The following CXCL12 variants were observed in gnomAD, a reference collection of about 807,000 sequenced individuals.
The protein encoded by CXCL12 is C-X-C motif chemokine ligand 12.
A neutral mutation model predicts 10.7 loss-of-function variants in CXCL12; 4 were observed. That is an observed-to-expected ratio of 0.37 (90% CI 0.18 to 0.86). The LOEUF (loss-of-function observed/expected upper bound fraction) is 0.86, where lower values mean the gene tolerates loss of function less well. Ranked by LOEUF, CXCL12 falls within the 40% of genes least tolerant of loss-of-function variation. CXCL12 has a pLI of 0.43. For missense variants in CXCL12, 122 were observed against 110.4 expected (o/e 1.10, Z -0.47); for synonymous variants, 54 against 45.4 (o/e 1.19, Z -0.77).
intron 1 of CXCL12, among the ~76,000 whole-genome samples, 196 bp downstream of exon 1, chr10:44,384,749 A>G (rs1269979075): frequency 6.6e-6 from 1 of 152,240 alleles, no homozygotes; most frequent in African/African-American, 2.4e-5. Flanking sequence ...CGCTCTCTGC[A>G]GGTCACAAAC....
chr10:44,384,662 C>T (rs978454138), intron 1 of CXCL12, among the ~76,000 whole-genome samples: 1 of 152,342 alleles, frequency 6.6e-6, no homozygotes, highest in Admixed American at 6.5e-5. Context: ...CGCGCCAGTC[C>T]CGAACGCTCT....
At chr10:44,372,681 G>C (rs1476436432), downstream of CXCL12, 6 of 1,414,418 alleles carry the variant, frequency 4.2e-6, no homozygotes, top group African/African-American at 5.8e-5. Context: ...GGATGAGACA[G>C]AGAATGATGA....
At chr10:44,374,656 C>T (rs1382284750), downstream of CXCL12, 74 of 455,952 alleles carry the variant, frequency 1.6e-4, no homozygotes, top group Admixed American at 1.7e-3. Flanking sequence ...CTCATTAAAG[C>T]TCAAGGGGAC....
chr10:44,385,012 G>A lies in CXCL12; in HGVS notation c.-7C>T, dbSNP rs754977557. On this transcript the variant is annotated 5_prime_UTR_variant, in exon 1 of 3. Coordinates refer to ENST00000343575, the MANE Select transcript of CXCL12 (RefSeq NM_199168.4). ...CCACGACCTTGGCGTTCATGGCGCG[G>A]GCGGGCGGGCGGGCGGGCGGACGAG... is the stretch of plus-strand genomic sequence containing the variant. The A allele has an allele frequency of 7.4e-7, 1 of 1,354,292 alleles. No individual in the cohort carries two copies. Among genetic ancestry groups the A allele is most frequent in the Non-Finnish European group, 9.6e-7 (1 of 1,041,922 alleles). 83.9% of individuals were successfully genotyped at this position (1,354,292 alleles called of 1,614,324 possible). A position where few individuals can be genotyped will look rare whatever the true frequency, so the allele number is the denominator to read the frequency against.
At position 44,377,601 on chromosome 10, in the gene CXCL12, C is replaced by A. The variant is rs562409894; in HGVS notation, c.*1032G>T. 23 of 1,493,922 alleles carry A rather than the reference C, an allele frequency of 1.5e-5. No homozygotes were observed. The African/African-American group carries it at 3.1e-4, about 20-fold the overall frequency. 92.5% of individuals were successfully genotyped at this position (1,493,922 alleles called of 1,614,324 possible). A position where few individuals can be genotyped will look rare whatever the true frequency, so the allele number is the denominator to read the frequency against. ...TCACTGATTTTTTCGCTTCTGATTTCGGAAACCTCAGAGTTTGTTAGTGCC... is the reference window on the plus strand; with the variant it reads ...TCACTGATTTTTTCGCTTCTGATTTAGGAAACCTCAGAGTTTGTTAGTGCC... On this transcript the variant is annotated 3_prime_UTR_variant, in exon 3 of 3. Coordinates refer to ENST00000343575, the MANE Select transcript of CXCL12 (RefSeq NM_199168.4).
downstream of CXCL12, chr10:44,372,795 A>G: frequency 1.4e-6 from 2 of 1,461,328 alleles, no homozygotes; most frequent in Non-Finnish European, 1.8e-6. Flanking sequence ...CTGCCCTCCC[A>G]GAAGAGGCAG....
downstream of CXCL12, among the ~76,000 whole-genome samples, chr10:44,376,465 A>G (rs754436383): frequency 1.1e-4 from 17 of 152,190 alleles, no homozygotes; most frequent in Admixed American, 2.0e-4. Flanking sequence ...TTCAAATTGA[A>G]TAACGTTTTG....
chr10:44,381,715 C>T (rs535194327), intron 1 of CXCL12, among the ~76,000 whole-genome samples: 1 of 152,168 alleles, frequency 6.6e-6, no homozygotes, highest in Non-Finnish European at 1.5e-5. Flanking sequence ...GATTGCAAGC[C>T]CTGGAGGGCT....
In CXCL12 at chr10:44,377,356, A is replaced by G; in HGVS notation, c.*1277T>C. The stretch of plus-strand genomic sequence containing the variant: ...CTTCAAATATATGAATTGTTCGACT[A>G]TAAATATATTTTGAAATACATTTGT... On this transcript the variant is annotated 3_prime_UTR_variant, in exon 3 of 3. Transcript: ENST00000343575. 3.7e-6 allele frequency: 4 copies of G among 1,068,394 alleles called. No individual in the cohort carries two copies. Among genetic ancestry groups the G allele is most frequent in the Non-Finnish European group, 4.5e-6 (4 of 880,074 alleles). The allele number at this position is 1,068,394 out of a possible 1,614,324, so 66.2% of individuals were successfully genotyped here. A position where few individuals can be genotyped will look rare whatever the true frequency, so the allele number is the denominator to read the frequency against.
At position 44,385,028 on chromosome 10, in the gene CXCL12, G is replaced by T; in HGVS notation, c.-23C>A. 2.1e-6 allele frequency: 3 copies of T among 1,415,668 alleles called. No homozygotes were observed. The highest frequency in any genetic ancestry group is 2.8e-6 in the Non-Finnish European group (3 of 1,065,000). The allele number at this position is 1,415,668 out of a possible 1,614,324, so 87.7% of individuals were successfully genotyped here. On this transcript the variant is annotated 5_prime_UTR_variant, in exon 1 of 3. Transcript: ENST00000343575. ...CATGGCGCGGGCGGGCGGGCGGGCG[G>T]GCGGACGAGCGCGGGTCGGGGGCCG...
At chr10:44,381,561 TGCCTA>T (rs893631151) in intron 1 of CXCL12, among the ~76,000 whole-genome samples, 4 of 152,272 alleles carry the variant, frequency 2.6e-5, no homozygotes, top group African/African-American at 9.6e-5. Flanking sequence ...TGGTTTTCAT[TGCCTA>T]GGCAGGGATG....
rs762545815 is a variant in CXCL12, at chr10:44,378,686, C to T, written c.217G>A (p.Asp73Asn). ...LKNNNRQVCI[D>N]PKLKWIQEYL... ...TCCTGAATCCACTTTAGCTTCGGGT[C>T]AATGCACACTTGTCTGTTGTTGTTC... The change falls in exon 3 of 3, where the codon GAC becomes AAC. Residue 73 changes from aspartate to asparagine, a missense_variant. Asp to Asn is a conservative substitution (Grantham distance 23). Coordinates refer to ENST00000343575, the MANE Select transcript of CXCL12 (RefSeq NM_199168.4). The T allele has an allele frequency of 6.2e-7, 1 of 1,614,188 alleles. No individual in the cohort carries two copies. Among genetic ancestry groups the T allele is most frequent in the Non-Finnish European group, 8.5e-7 (1 of 1,180,044 alleles).
intron 1 of CXCL12, among the ~76,000 whole-genome samples, chr10:44,383,475 C>G (rs2132052619): frequency 6.6e-6 from 1 of 152,192 alleles, no homozygotes; most frequent in African/African-American, 2.4e-5. Context: ...GGGGGCAGCA[C>G]CATTTCCCAG....
downstream of CXCL12, chr10:44,372,777 T>A: frequency 6.9e-7 from 1 of 1,451,798 alleles, no homozygotes. Flanking sequence ...CAGCTCAGGG[T>A]AGCCCTGCTG....
rs992225901 is a variant in CXCL12 at position 44,377,956 on chromosome 10, G to C, written c.*677C>G. 6.5e-7 allele frequency: 1 copy of C among 1,527,376 alleles called. No homozygotes were observed. The highest frequency in any genetic ancestry group is 1.4e-5 in the African/African-American group (1 of 72,486). The allele number at this position is 1,527,376 out of a possible 1,614,324, so 94.6% of individuals were successfully genotyped here. On this transcript the variant is annotated 3_prime_UTR_variant, in exon 3 of 3. Coordinates refer to ENST00000343575, the MANE Select transcript of CXCL12 (RefSeq NM_199168.4). ...GATTAAGCATGCTCTCGGAGTCGGG[G>C]AGAGAGTAGGAATAGCTGGGAGAGG...
chr10:44,378,232 T>G lies in CXCL12; in HGVS notation c.*401A>C. On this transcript the variant is annotated 3_prime_UTR_variant, in exon 3 of 3. Coordinates refer to ENST00000343575, the MANE Select transcript of CXCL12 (RefSeq NM_199168.4). Reference sequence around the variant, plus strand: ...AGACTCCCCAGGGGAGCAGAGGAGATGCTCCAAACAAGCCAAATTCAGATC... The same window carrying G: ...AGACTCCCCAGGGGAGCAGAGGAGAGGCTCCAAACAAGCCAAATTCAGATC... 1 of 1,457,206 alleles carries G rather than the reference T, an allele frequency of 6.9e-7. No individual in the cohort carries two copies. The highest frequency in any genetic ancestry group is 9.1e-7 in the Non-Finnish European group (1 of 1,094,252). The allele number at this position is 1,457,206 out of a possible 1,614,324, so 90.3% of individuals were successfully genotyped here.
downstream of CXCL12, among the ~76,000 whole-genome samples, chr10:44,376,209 T>G (rs1347129683): frequency 6.6e-6 from 1 of 152,214 alleles, no homozygotes; most frequent in African/African-American, 2.4e-5. Context: ...ATTGGACATT[T>G]CCTTCCATTC....
chr10:44,379,270 C>T (rs1443435419), intron 2 of CXCL12, among the ~76,000 whole-genome samples: 1 of 151,584 alleles, frequency 6.6e-6, no homozygotes, highest in South Asian at 2.1e-4. Flanking sequence ...GGGAGGGTGA[C>T]CAGCCAGGGA....
Position 44,378,149 on chromosome 10 carries a change from T to C in CXCL12, c.*484A>G. 7.0e-7 allele frequency: 1 copy of C among 1,433,196 alleles called. No homozygotes were observed. The highest frequency in any genetic ancestry group is 9.1e-7 in the Non-Finnish European group (1 of 1,095,354). The allele number at this position is 1,433,196 out of a possible 1,614,324, so 88.8% of individuals were successfully genotyped here. A position where few individuals can be genotyped will look rare whatever the true frequency, so the allele number is the denominator to read the frequency against. On this transcript the variant is annotated 3_prime_UTR_variant, in exon 3 of 3. Coordinates refer to ENST00000343575, the MANE Select transcript of CXCL12 (RefSeq NM_199168.4). ...AGGGGCGCTGCTGCGGGAGCCTCAG[T>C]GTCTGAAGAAAGGACACTTTTTCCA...
Sources: gnomAD v4.1 joint callset for allele counts (sites outside exome capture counted in the v4.1 genomes callset) on GRCh38, gnomAD v4.1.1 for gene constraint, MANE v1.5 for transcripts, NCBI Gene and HGNC (gene_info 2026-07-23, HGNC 2026-07-21) for gene names.